LMNB1: variants seen among roughly 807,000 people sequenced by gnomAD.
LMNB1 encodes the protein lamin-B1.
LMNB1 carries 23 observed loss-of-function variants against 67.1 expected under a neutral mutation model. That is an observed-to-expected ratio of 0.34 (90% CI 0.25 to 0.49). LMNB1 has a LOEUF of 0.49. Among genes scored for constraint, LMNB1 ranks in the 20% least tolerant of loss-of-function variants. The pLI, the probability that LMNB1 is intolerant of heterozygous loss-of-function variation, is 0.99. For missense variants in LMNB1, 634 were observed against 746.5 expected (o/e 0.85, Z 1.76); for synonymous variants, 281 against 282.9 (o/e 0.99, Z 0.07).
At chr5:126,825,195 A>C (rs551380322) in intron 8 of LMNB1, among the ~76,000 whole-genome samples, 3 of 152,320 alleles carry the variant, frequency 2.0e-5, no homozygotes, top group South Asian at 4.1e-4. Flanking sequence ...TCCAGAATTC[A>C]AACCTAGGCT....
chr5:126,797,290 C>A (rs1751129926), intron 1 of LMNB1, among the ~76,000 whole-genome samples: 1 of 152,124 alleles, frequency 6.6e-6, no homozygotes, highest in South Asian at 2.1e-4. Flanking sequence ...TGTAAAACAT[C>A]TAAAGCAAAT....
At chr5:126,779,160 G>GT (rs1750560176) in intron 1 of LMNB1, among the ~76,000 whole-genome samples, 1 of 152,090 alleles carries the variant, frequency 6.6e-6, no homozygotes, top group African/African-American at 2.4e-5. Flanking sequence ...GAGATTTTGT[G>GT]TATTTTTACT....
At position 126,819,080 on chromosome 5, in the gene LMNB1, A is replaced by G. The variant is rs765427395; in HGVS notation, c.1098A>G (p.Val366=). 1 of 1,614,182 alleles carries G rather than the reference A, an allele frequency of 6.2e-7. No homozygotes were observed. The highest frequency in any genetic ancestry group is 1.1e-5 in the South Asian group (1 of 91,088). Residue 366 remains valine (V), a synonymous_variant, in exon 6 of 11, where the codon GTA becomes GTG. Transcript: ENST00000261366. ...ATGACTATGAACAGCTTCTTGATGT[A>G]AAGTTAGCCCTGGACATGGAAATCA... is the stretch of plus-strand genomic sequence containing the variant. ...QLNDYEQLLD[V]KLALDMEISA... is the part of the protein sequence containing the mutation.
chr5:126,828,044 T>A (rs72780211), intron 9 of LMNB1, among the ~76,000 whole-genome samples: 8,469 of 151,634 alleles, frequency 0.056, 264 homozygotes, highest in Middle Eastern at 0.096. Context: ...ATGCATTTTT[T>A]AAAAAAAAAT....
intron 3 of LMNB1, among the ~76,000 whole-genome samples, chr5:126,806,781 A>T (rs1344819587): frequency 6.8e-6 from 1 of 147,940 alleles, no homozygotes; most frequent in African/African-American, 2.5e-5. Context: ...AGGCGTGTAA[A>T]TTTTTTTTTT....
chr5:126,786,892 C>G (rs928122042), intron 1 of LMNB1, among the ~76,000 whole-genome samples: 2 of 152,162 alleles, frequency 1.3e-5, no homozygotes. Flanking sequence ...TGAAAGAGAT[C>G]GCTTTTATCT....
chr5:126,805,083 C>A, intron 2 of LMNB1, 151 bp downstream of exon 2: 1 of 708,850 alleles, frequency 1.4e-6, no homozygotes, highest in East Asian at 2.8e-5. Context: ...GAAGAAAAGT[C>A]TTGAGGTAGC....
At chr5:126,803,705 G>T (rs1019285913) in intron 1 of LMNB1, among the ~76,000 whole-genome samples, 2 of 152,060 alleles carry the variant, frequency 1.3e-5, no homozygotes, top group African/African-American at 4.8e-5. Context: ...GCGCCACCAT[G>T]CCCAGCTTAA....
chr5:126,782,271 A>G (rs1282670602), intron 1 of LMNB1, among the ~76,000 whole-genome samples: 1 of 152,198 alleles, frequency 6.6e-6, no homozygotes, highest in Admixed American at 6.5e-5. Context: ...TGGGGGCCAG[A>G]TGTGCTTTGG....
Position 126,832,696 on chromosome 5 carries a change from G to A in LMNB1, c.1614G>A (p.Glu538=), listed in dbSNP as rs777528859. 3 of 1,607,112 alleles carry A rather than the reference G, an allele frequency of 1.9e-6. No homozygotes were observed. In the South Asian group the frequency reaches 3.3e-5, roughly 18 times the overall value. The change falls in exon 10 of 11, where the codon GAG becomes GAA. Residue 538 remains glutamate, a splice_region_variant and synonymous_variant. Transcript: ENST00000261366. The stretch of plus-strand genomic sequence containing the variant: ...ACTTAAACTACTATTGTTTTTAGGA[G>A]GTTGCTCAAAGAAGTACAGTCTTTA... ...KVILKNSQGE[E]VAQRSTVFKT...
chr5:126,780,648 A>G (rs910272711), intron 1 of LMNB1, among the ~76,000 whole-genome samples: 1 of 152,200 alleles, frequency 6.6e-6, no homozygotes, highest in Non-Finnish European at 1.5e-5. Flanking sequence ...GACAGTACCT[A>G]TTCTCTGAGG....
At chr5:126,797,436 C>A (rs1751132947) in intron 1 of LMNB1, among the ~76,000 whole-genome samples, 1 of 152,104 alleles carries the variant, frequency 6.6e-6, no homozygotes, top group Non-Finnish European at 1.5e-5. Flanking sequence ...ACAACAAATC[C>A]AGTCAGGAAA....
intron 1 of LMNB1, among the ~76,000 whole-genome samples, chr5:126,785,779 C>G (rs1476203127): frequency 1.3e-5 from 2 of 151,908 alleles, no homozygotes; most frequent in African/African-American, 4.8e-5. Context: ...TTTTGGAGGC[C>G]GAGGTGGGCG....
chr5:126,805,913 C>T (rs532178686), intron 3 of LMNB1, among the ~76,000 whole-genome samples: 2 of 152,190 alleles, frequency 1.3e-5, no homozygotes, highest in South Asian at 2.1e-4. Flanking sequence ...AAGCTGTTAC[C>T]GTAAACAGAT....
At chr5:126,806,037 C>T (rs553980540) in intron 3 of LMNB1, among the ~76,000 whole-genome samples, 7 of 152,212 alleles carry the variant, frequency 4.6e-5, no homozygotes, top group African/African-American at 1.7e-4. Context: ...TCCTTTCAAC[C>T]TCTGCCTCCT....
At chr5:126,782,430 G>A (rs1410559541) in intron 1 of LMNB1, among the ~76,000 whole-genome samples, 1 of 152,198 alleles carries the variant, frequency 6.6e-6, no homozygotes, top group Non-Finnish European at 1.5e-5. Context: ...CATGGCAAGT[G>A]GAGAAAGACA....
intron 1 of LMNB1, among the ~76,000 whole-genome samples, chr5:126,795,193 C>T (rs1342007102): frequency 7.0e-6 from 1 of 143,310 alleles, no homozygotes; most frequent in Non-Finnish European, 1.5e-5. Flanking sequence ...GCTGGAGTGC[C>T]GTGGCATGAC....
chr5:126,804,956 C>T (rs1355644805), intron 2 of LMNB1, 24 bp downstream of exon 2: 16 of 1,598,052 alleles, frequency 1.0e-5, no homozygotes, highest in Non-Finnish European at 1.3e-5. Flanking sequence ...TACTCTTGAG[C>T]CGTATGTGAC....
At chr5:126,834,248 C>G (rs1349334601) in intron 10 of LMNB1, among the ~76,000 whole-genome samples, 1 of 151,880 alleles carries the variant, frequency 6.6e-6, no homozygotes, top group East Asian at 1.9e-4. Context: ...GCTGTGTCGC[C>G]AGGCTGGAGC....
Sources: allele counts gnomAD v4.1 joint callset (sites outside exome capture counted in the v4.1 genomes callset), GRCh38; gene constraint gnomAD v4.1.1; transcripts MANE v1.5; gene names NCBI Gene and HGNC (gene_info 2026-07-23, HGNC 2026-07-21).